The following DSTYK variants were observed in gnomAD, a reference collection of about 807,000 sequenced individuals.
DSTYK encodes the protein dual serine/threonine and tyrosine protein kinase.
DSTYK carries 34 observed loss-of-function variants against 98.7 expected under a neutral mutation model. The observed-to-expected ratio is 0.34, with a 90% CI of 0.26 to 0.46. The LOEUF (loss-of-function observed/expected upper bound fraction) is 0.46. DSTYK is among the 20% of genes least tolerant of loss of function. DSTYK has a pLI of 1.00. For missense variants in DSTYK, 962 were observed against 1,181.7 expected (o/e 0.81, Z 2.73); for synonymous variants, 462 against 457.3 (o/e 1.01, Z -0.13).
intron 1 of DSTYK, among the ~76,000 whole-genome samples, chr1:205,194,989 AT>A (rs964750887): frequency 6.0e-3 from 834 of 138,466 alleles, no homozygotes; most frequent in Middle Eastern, 7.9e-3. Context: ...AGTGCCACTA[AT>A]TTTTTTTTTT....
At chr1:205,205,553 C>T (rs1298225770) in intron 1 of DSTYK, among the ~76,000 whole-genome samples, 1 of 152,038 alleles carries the variant, frequency 6.6e-6, no homozygotes, top group Non-Finnish European at 1.5e-5. Flanking sequence ...TCCAGCGATT[C>T]TCCTGCCTCA....
At chr1:205,156,776 GAGGGGCC>G (rs1417115489) in intron 10 of DSTYK, among the ~76,000 whole-genome samples, 1 of 152,160 alleles carries the variant, frequency 6.6e-6, no homozygotes, top group African/African-American at 2.4e-5. Context: ...TGAGATCTGG[GAGGGGCC>G]AGGGGCAGAA....
At chr1:205,211,217 C>G in intron 1 of DSTYK, 54 bp downstream of exon 1, 12 of 1,531,354 alleles carry the variant, frequency 7.8e-6, no homozygotes, top group Non-Finnish European at 1.0e-5. Context: ...GGGGTGCGGT[C>G]CGTCCTCCGA....
At chr1:205,174,897 C>T (rs918835558) in intron 2 of DSTYK, among the ~76,000 whole-genome samples, 3 of 149,858 alleles carry the variant, frequency 2.0e-5, no homozygotes, top group South Asian at 2.1e-4. Context: ...GCCACCACGC[C>T]GGGCTAATTT....
intron 1 of DSTYK, 151 bp downstream of exon 1, chr1:205,211,120 G>C (rs1376925502): frequency 8.3e-7 from 1 of 1,199,164 alleles, no homozygotes; most frequent in Non-Finnish European, 1.1e-6. Context: ...TCCCAGATCC[G>C]GCCGGCCCAT....
intron 5 of DSTYK, among the ~76,000 whole-genome samples, chr1:205,162,658 C>CT (rs1210463502): frequency 2.6e-5 from 4 of 152,078 alleles, no homozygotes; most frequent in East Asian, 1.9e-4. Context: ...TATCATTTAT[C>CT]TTTTTTTTCT....
chr1:205,187,483 T>C lies in DSTYK; in HGVS notation c.589A>G (p.Asn197Asp). Residue 197 changes from asparagine (N) to aspartate (D), a missense_variant, in exon 2 of 13, where the codon AAC (asparagine) becomes GAC (aspartate). Asn to Asp is a conservative substitution (Grantham distance 23). Around this residue, in one of 4 missense-constraint regions of DSTYK, gnomAD observed 660 missense variants for 855.0 expected, o/e 0.77. Transcript: ENST00000367162. ...AAAACATGAGCAGCATCCTCATTGT[T>C]CTCTTGGACCTCCAGATCCTCCTCA... ...IPEEDLEVQE[N>D]NEDAAHVLAE... 6.2e-7 allele frequency: 1 copy of C among 1,614,194 alleles called. No homozygotes were observed.
At chr1:205,177,794 G>C (rs925418113) in intron 2 of DSTYK, among the ~76,000 whole-genome samples, 1 of 151,942 alleles carries the variant, frequency 6.6e-6, no homozygotes, top group African/African-American at 2.4e-5. Context: ...TTGAACCCAG[G>C]AGGCGGAGGT....
In DSTYK at chr1:205,163,002, A is replaced by G; in HGVS notation, c.1562T>C (p.Leu521Ser). The change falls in exon 5 of 13, where the codon TTA becomes TCA. Residue 521 changes from leucine (L) to serine (S), a missense_variant. Physicochemically the swap from Leu to Ser is moderately radical, Grantham distance 145. Transcript: ENST00000367162. ...HITSNYLKQI[L>S]NAAYHVEVTF... The stretch of plus-strand genomic sequence containing the variant: ...GACTTCAACATGATAGGCAGCATTT[A>G]AGATCTGAAAGAGACAACGCCAAAG... The G allele has an allele frequency of 6.2e-7, 1 of 1,613,916 alleles. No individual in the cohort carries two copies. Among genetic ancestry groups the G allele is most frequent in the Non-Finnish European group, 8.5e-7 (1 of 1,179,798 alleles).
At chr1:205,206,623 C>T (rs1659211683) in intron 1 of DSTYK, among the ~76,000 whole-genome samples, 1 of 149,384 alleles carries the variant, frequency 6.7e-6, no homozygotes, top group South Asian at 2.1e-4. Flanking sequence ...TGCTTTGTCG[C>T]CCAGGCTGGA....
chr1:205,211,257 G>A lies in DSTYK; in HGVS notation c.265+14C>T. The A allele has an allele frequency of 6.3e-7, 1 of 1,593,544 alleles. No individual in the cohort carries two copies. Among genetic ancestry groups the A allele is most frequent in the African/African-American group, 1.4e-5 (1 of 73,740 alleles). ...CCTCTCCTGCCCTCTCTCCCTCCGG[G>A]CTGCCCTCCTTACCCGCCTGCAGCC... On this transcript the variant is annotated intron_variant, in intron 1 of 12. Coordinates refer to ENST00000367162, the MANE Select transcript of DSTYK (RefSeq NM_015375.3).
At chr1:205,185,590 A>C (rs1236491365) in intron 2 of DSTYK, among the ~76,000 whole-genome samples, 1 of 152,248 alleles carries the variant, frequency 6.6e-6, no homozygotes, top group Non-Finnish European at 1.5e-5. Context: ...TTTTCAAAAA[A>C]TGAAGTCGAA....
chr1:205,154,523 G>C (rs1400653549), intron 10 of DSTYK, among the ~76,000 whole-genome samples: 1 of 152,180 alleles, frequency 6.6e-6, no homozygotes, highest in Non-Finnish European at 1.5e-5. Context: ...CAGCCTTGCG[G>C]AACTGTGAGT....
rs1183027458 is a variant in DSTYK at position 205,145,518 on chromosome 1, GTTTT to G, written c.*2036_*2039del. The G allele has an allele frequency of 7.9e-4, 62 of 78,142 alleles. 2 individuals carry two copies. Among genetic ancestry groups the G allele is most frequent in the African/African-American group, 1.9e-3 (61 of 31,492 alleles). The allele number at this position is 78,142 out of a possible 1,614,324, so 4.8% of individuals were successfully genotyped here. A position where few individuals can be genotyped will look rare whatever the true frequency, so the allele number is the denominator to read the frequency against. On this transcript the variant is annotated 3_prime_UTR_variant, in exon 13 of 13. Transcript: ENST00000367162. ...AGCAGCAGATGTGCGACTCATCTTT[GTTTT>G]TTGTTTTTTTTTTTGTTTTTTTTTG...
At chr1:205,207,763 A>C (rs1489202433) in intron 1 of DSTYK, among the ~76,000 whole-genome samples, 1 of 10,898 alleles carries the variant, frequency 9.2e-5, no homozygotes, top group African/African-American at 1.6e-4. Flanking sequence ...CTCAAAAAAA[A>C]AAAAAAAAAA....
At chr1:205,198,744 C>G (rs1658941987) in intron 1 of DSTYK, among the ~76,000 whole-genome samples, 1 of 151,922 alleles carries the variant, frequency 6.6e-6, no homozygotes, top group Non-Finnish European at 1.5e-5. Flanking sequence ...CAAAAAAACC[C>G]TGGGAAATTC....
chr1:205,148,792 T>A (rs992973174), intron 11 of DSTYK, among the ~76,000 whole-genome samples: 3 of 149,510 alleles, frequency 2.0e-5, no homozygotes, highest in African/African-American at 7.7e-5. Flanking sequence ...AAGAATATAA[T>A]ATTTTAGAAA....
In DSTYK at chr1:205,146,485, A is replaced by G. The variant is rs1005392566; in HGVS notation, c.*1073T>C. On this transcript the variant is annotated 3_prime_UTR_variant, in exon 13 of 13. Transcript: ENST00000367162. ...GGGGTTAGCAGTAACTCTAAATCCA[A>G]TAACTCCTGTGTGTATGTCTATATA... The G allele has an allele frequency of 4.6e-5, 7 of 152,282 alleles. No homozygotes were observed. The highest frequency in any genetic ancestry group is 3.4e-3 in the Middle Eastern group (1 of 294). The allele number at this position is 152,282 out of a possible 1,614,324, so 9.4% of individuals were successfully genotyped here.
chr1:205,202,285 C>T, intron 1 of DSTYK: 1 of 647,692 alleles, frequency 1.5e-6, no homozygotes, highest in East Asian at 3.7e-5. Flanking sequence ...ACTCATGACA[C>T]TTCTCAGGCC....
Sources: allele counts gnomAD v4.1 joint callset (sites outside exome capture counted in the v4.1 genomes callset), GRCh38; gene constraint gnomAD v4.1.1; regional missense constraint gnomAD v4.1.1; transcripts MANE v1.5; gene names NCBI Gene and HGNC (gene_info 2026-07-23, HGNC 2026-07-21).